Variants in TNR observed in about 807,000 individuals in gnomAD.
TNR encodes the protein tenascin-R.
TNR carries 45 observed loss-of-function variants against 150.4 expected under a neutral mutation model. The observed-to-expected ratio is 0.30, with a 90% CI of 0.24 to 0.38. The LOEUF (loss-of-function observed/expected upper bound fraction) is 0.38, where lower values mean the gene tolerates loss of function less well. Ranked by LOEUF, TNR falls within the 10% of genes least tolerant of loss-of-function variation. The probability of loss-of-function intolerance (pLI) is 1.00; values close to 1 mark genes in which losing one functional copy is unlikely to be tolerated. For missense variants in TNR, 1,544 were observed against 1,759.1 expected, an observed-to-expected ratio of 0.88 and a Z score of 2.19; for synonymous variants, 687 against 678.4, an observed-to-expected ratio of 1.01 and a Z score of -0.20.
intron 2 of TNR, among the ~76,000 whole-genome samples, chr1:175,416,855 A>G (rs968044498): frequency 2.6e-5 from 4 of 152,070 alleles, no homozygotes; most frequent in African/African-American, 9.7e-5. Context: ...AAAAATACAA[A>G]AAATTAGCCA....
At chr1:175,675,716 C>G (rs2101906319) in intron 1 of TNR, among the ~76,000 whole-genome samples, 1 of 152,314 alleles carries the variant, frequency 6.6e-6, no homozygotes. Context: ...GCTACCTAAG[C>G]AGGAACCTCC....
chr1:175,451,690 C>A (rs924910633), intron 2 of TNR, among the ~76,000 whole-genome samples: 5 of 152,162 alleles, frequency 3.3e-5, no homozygotes, highest in African/African-American at 1.2e-4. Flanking sequence ...TTATGGAGCC[C>A]GTCTATCTCA....
chr1:175,598,058 C>A (rs1248451698), intron 1 of TNR, among the ~76,000 whole-genome samples: 1 of 152,150 alleles, frequency 6.6e-6, no homozygotes, highest in Non-Finnish European at 1.5e-5. Flanking sequence ...TTTCAGGCCA[C>A]TACACACAGG....
At chr1:175,722,639 G>A (rs753554249) in intron 1 of TNR, among the ~76,000 whole-genome samples, 9 of 151,622 alleles carry the variant, frequency 5.9e-5, no homozygotes, top group Admixed American at 1.3e-4. Flanking sequence ...TAATCTTTGC[G>A]TTTTTTATAG....
In TNR at chr1:175,315,814, G is replaced by GCATGTGTGTGTGTGCA. The variant is rs775118670; in HGVS notation, c.*7542_*7543insTGCACACACACACATG. The GCATGTGTGTGTGTGCA allele has an allele frequency of 7.2e-5, 1 of 13,868 alleles. No individual in the cohort carries two copies. Among genetic ancestry groups the GCATGTGTGTGTGTGCA allele is most frequent in the Admixed American group, 3.9e-4 (1 of 2,566 alleles). 0.9% of individuals were successfully genotyped at this position (13,868 alleles called of 1,614,324 possible). A position where few individuals can be genotyped will look rare whatever the true frequency, so the allele number is the denominator to read the frequency against. On this transcript the variant is annotated 3_prime_UTR_variant, in exon 23 of 23. Transcript: ENST00000367674. Reference sequence around the variant, plus strand: ...TGTGCATGCATGTGTGTGTGTGCATGTGTGTGTGTGTGTGTGTGTGTGTGT... The same window carrying GCATGTGTGTGTGTGCA: ...TGTGCATGCATGTGTGTGTGTGCATGCATGTGTGTGTGTGCATGTGTGTGTGTGTGTGTGTGTGTGT...
chr1:175,377,888 A>G (rs1324451655), intron 9 of TNR, among the ~76,000 whole-genome samples: 5 of 152,074 alleles, frequency 3.3e-5, no homozygotes, highest in Admixed American at 3.3e-4. Context: ...TTTATCTGAA[A>G]ACCACACCCC....
At chr1:175,614,890 G>A (rs1490257379) in intron 1 of TNR, among the ~76,000 whole-genome samples, 1 of 152,212 alleles carries the variant, frequency 6.6e-6, no homozygotes, top group Non-Finnish European at 1.5e-5. Flanking sequence ...GGGCATTTGG[G>A]TGTCATAAAG....
chr1:175,651,860 G>A (rs1324525401), intron 1 of TNR, among the ~76,000 whole-genome samples: 4 of 151,328 alleles, frequency 2.6e-5, no homozygotes, highest in African/African-American at 2.4e-5. Flanking sequence ...TTATGAAATC[G>A]TAACCAAATA....
chr1:175,457,382 G>A lies in TNR; in HGVS notation c.-63-50605C>T, dbSNP rs781063107. On this transcript the variant is annotated intron_variant, in intron 2 of 22. Coordinates refer to ENST00000367674, the MANE Select transcript of TNR (RefSeq NM_003285.3). ...GTGGCATCCCAGGCTACAGCCATCA[G>A]GCCACATGCAGGCAGATTGCTAAGC... Among the ~76,000 whole-genome samples the A allele has an allele frequency of 2.0e-5, 3 of 152,362 alleles. No homozygotes were observed. The Middle Eastern group carries it at 0.01, about 518-fold the overall frequency.
At chr1:175,416,572 T>C (rs1193498919) in intron 2 of TNR, among the ~76,000 whole-genome samples, 1 of 152,220 alleles carries the variant, frequency 6.6e-6, no homozygotes, top group Admixed American at 6.5e-5. Flanking sequence ...TCATATTACC[T>C]TTCATCTTTT....
chr1:175,356,492 G>T (rs147278578), intron 15 of TNR, 30 bp from the exon 16 acceptor site: 1 of 1,612,466 alleles, frequency 6.2e-7, no homozygotes, highest in African/African-American at 1.3e-5. Flanking sequence ...AATAAGGGTT[G>T]AATAAGGCTA....
At chr1:175,349,645 G>C (rs1314347748) in intron 18 of TNR, among the ~76,000 whole-genome samples, 16 of 152,110 alleles carry the variant, frequency 1.1e-4, no homozygotes, top group Admixed American at 1.0e-3. Flanking sequence ...AAGAGAAGAG[G>C]GTAAAAGGAA....
Position 175,365,279 on chromosome 1 carries a change from C to A in TNR, c.2318G>T (p.Gly773Val), listed in dbSNP as rs759477766. 26 of 1,598,066 alleles carry A rather than the reference C, an allele frequency of 1.6e-5. No individual in the cohort carries two copies. In the Admixed American group the frequency reaches 3.5e-4, roughly 22 times the overall value. ...GTGCAGATGAGAGATGGGACGGAAGCCTGCAAAGCAAAGGAGATGGATGGT... is the reference window on the plus strand; with the variant it reads ...GTGCAGATGAGAGATGGGACGGAAGACTGCAAAGCAAAGGAGATGGATGGT... ...SLESTVDAFT[G>V]FRPISHLHFS... Residue 773 changes from glycine (G) to valine (V), a missense_variant and splice_region_variant, in exon 12 of 23, where the codon GGC becomes GTC. By Grantham distance (109) the Gly-to-Val change is moderately radical (BLOSUM62 -3). This residue lies in a region of TNR where 1,254 missense variants were observed against 1,329.4 expected (regional missense o/e 0.94). Coordinates refer to ENST00000367674, the MANE Select transcript of TNR (RefSeq NM_003285.3).
intron 2 of TNR, among the ~76,000 whole-genome samples, chr1:175,495,199 G>C (rs1408383830): frequency 6.6e-6 from 1 of 152,192 alleles, no homozygotes; most frequent in African/African-American, 2.4e-5. Flanking sequence ...CAGTGCAGAA[G>C]ATAGACAGAT....
chr1:175,428,747 T>C (rs1655127175), intron 2 of TNR, among the ~76,000 whole-genome samples: 2 of 152,214 alleles, frequency 1.3e-5, no homozygotes, highest in Non-Finnish European at 2.9e-5. Context: ...TTCAAGCTTT[T>C]TTCCCCCTGT....
At chr1:175,695,984 A>G (rs885775) in intron 1 of TNR, among the ~76,000 whole-genome samples, 46 of 84,530 alleles carry the variant, frequency 5.4e-4, no homozygotes, top group African/African-American at 2.2e-3. Context: ...ACAGATGGAT[A>G]TATGGATGGA....
chr1:175,739,036 C>G (rs887156120), intron 1 of TNR, among the ~76,000 whole-genome samples: 2 of 152,144 alleles, frequency 1.3e-5, no homozygotes, highest in South Asian at 2.1e-4. Context: ...TTCTAACTTT[C>G]CATGACATGG....
chr1:175,426,788 G>A (rs890563570), intron 2 of TNR, among the ~76,000 whole-genome samples: 19 of 138,644 alleles, frequency 1.4e-4, no homozygotes, highest in African/African-American at 5.1e-4. Flanking sequence ...ATACAGGTGT[G>A]TGTGTATATA....
chr1:175,363,902 T>G (rs1651714417), intron 12 of TNR, 75 bp from the exon 13 acceptor site: 4 of 1,530,618 alleles, frequency 2.6e-6, no homozygotes, highest in African/African-American at 1.4e-5. Context: ...CCTGGTTTTA[T>G]GTTGACCAAA....
Sources: gnomAD v4.1 joint callset for allele counts (sites outside exome capture counted in the v4.1 genomes callset) on GRCh38, gnomAD v4.1.1 for gene constraint, gnomAD v4.1.1 regional missense constraint, MANE v1.5 for transcripts, NCBI Gene and HGNC (gene_info 2026-07-23, HGNC 2026-07-21) for gene names.